RABGAP1L: variants seen among roughly 807,000 people sequenced by gnomAD.
The protein encoded by RABGAP1L is rab GTPase-activating protein 1-like.
RABGAP1L carries 63 observed loss-of-function variants against 137.7 expected under a neutral mutation model. The ratio of observed to expected loss-of-function variants is 0.46; its 90% confidence interval spans 0.37 to 0.56. The LOEUF is 0.56. Ranked by LOEUF, RABGAP1L falls within the 20% of genes least tolerant of loss-of-function variation. The probability of loss-of-function intolerance (pLI) is 0.00; values close to 1 mark genes in which losing one functional copy is unlikely to be tolerated. For synonymous variants in RABGAP1L, 431 were observed against 433.7 expected (o/e 0.99, Z 0.08); for missense variants, 1,095 against 1,244.0 (o/e 0.88, Z 1.80).
chr1:174,615,962 T>C (rs1671811096), intron 13 of RABGAP1L, among the ~76,000 whole-genome samples: 1 of 152,214 alleles, frequency 6.6e-6, no homozygotes, highest in African/African-American at 2.4e-5. Context: ...AGTTACCCGA[T>C]TTTCCAGGTG....
At chr1:174,241,068 C>T (rs886939233) in intron 4 of RABGAP1L, among the ~76,000 whole-genome samples, 5 of 152,222 alleles carry the variant, frequency 3.3e-5, no homozygotes, top group Admixed American at 2.0e-4. Flanking sequence ...CGCCTGTAAT[C>T]CTAGCACTTT....
chr1:174,343,449 T>C (rs1682159694), intron 11 of RABGAP1L, among the ~76,000 whole-genome samples: 1 of 152,186 alleles, frequency 6.6e-6, no homozygotes, highest in African/African-American at 2.4e-5. Context: ...ACAGTAGATA[T>C]TATGTCTTTT....
Position 174,955,107 on chromosome 1 carries a change from C to G in RABGAP1L, c.2341-2350C>G, listed in dbSNP as rs190073474. ...GTGGTGCTTTCCTTTCTATTGCACT[C>G]TAGTTGGTCACAGTATACTTGTTAG... On this transcript the variant is annotated intron_variant, in intron 19 of 25. Coordinates refer to ENST00000681986, the MANE Select transcript of RABGAP1L (RefSeq NM_001366446.1). Among the ~76,000 whole-genome samples, 9 of 152,296 alleles carry G rather than the reference C, an allele frequency of 5.9e-5. No individual in the cohort carries two copies. In the East Asian group the frequency reaches 1.7e-3, roughly 29 times the overall value.
chr1:174,907,923 C>T (rs1013692396), intron 19 of RABGAP1L, among the ~76,000 whole-genome samples: 3 of 152,122 alleles, frequency 2.0e-5, no homozygotes, highest in Admixed American at 6.5e-5. Context: ...CTTCAAGAAA[C>T]CCATTTCACC....
intron 10 of RABGAP1L, among the ~76,000 whole-genome samples, chr1:174,301,347 G>A (rs1677685696): frequency 1.3e-5 from 2 of 149,770 alleles, no homozygotes; most frequent in African/African-American, 4.9e-5. Flanking sequence ...GGCTGAAAGA[G>A]CTGTTAACAC....
intron 24 of RABGAP1L, among the ~76,000 whole-genome samples, chr1:174,984,033 G>A (rs1671362081): frequency 7.7e-6 from 1 of 130,072 alleles, no homozygotes; most frequent in African/African-American, 3.0e-5. Context: ...CTCCTGAAGT[G>A]AATTTTTTTT....
chr1:174,604,313 T>C (rs1049313976), intron 13 of RABGAP1L, among the ~76,000 whole-genome samples: 9 of 152,216 alleles, frequency 5.9e-5, no homozygotes, highest in Non-Finnish European at 5.9e-5. Flanking sequence ...TTTCTTTTGC[T>C]GTGACAGATA....
chr1:174,818,981 C>G (rs1157526582), intron 19 of RABGAP1L, among the ~76,000 whole-genome samples: 2 of 151,732 alleles, frequency 1.3e-5, no homozygotes. Flanking sequence ...CATGCCACTG[C>G]ACTCCAGCCT....
intron 19 of RABGAP1L, among the ~76,000 whole-genome samples, chr1:174,947,326 GA>G (rs1667044103): frequency 6.6e-6 from 1 of 151,032 alleles, no homozygotes; most frequent in Non-Finnish European, 1.5e-5. Flanking sequence ...GACCTCAGGT[GA>G]TCCACCTGCC....
chr1:174,360,848 A>G (rs1034948811), intron 11 of RABGAP1L, among the ~76,000 whole-genome samples: 2 of 151,926 alleles, frequency 1.3e-5, no homozygotes, highest in African/African-American at 2.4e-5. Flanking sequence ...TTTTTTATTC[A>G]TTTAATTTAT....
intron 1 of RABGAP1L, among the ~76,000 whole-genome samples, chr1:174,193,887 TAGG>T (rs962606192): frequency 2.6e-5 from 4 of 152,218 alleles, no homozygotes; most frequent in East Asian, 3.8e-4. Context: ...ACTACAGTAA[TAGG>T]AGCAATAATT....
At chr1:174,637,633 G>A in intron 14 of RABGAP1L, 145 bp downstream of exon 14, 1 of 596,334 alleles carries the variant, frequency 1.7e-6, no homozygotes, top group Non-Finnish European at 3.0e-6. Flanking sequence ...GAGATCCTCA[G>A]TACTGATCCC....
chr1:174,292,787 A>G (rs1453502015), intron 10 of RABGAP1L, among the ~76,000 whole-genome samples: 1 of 152,140 alleles, frequency 6.6e-6, no homozygotes, highest in Admixed American at 6.5e-5. Flanking sequence ...TTTTCCTGTG[A>G]TCTTTACTCA....
intron 19 of RABGAP1L, chr1:174,850,305 G>C (rs186690340): frequency 7.0e-4 from 157 of 223,634 alleles, no homozygotes; most frequent in African/African-American, 3.2e-3. Context: ...AAACCTTTCA[G>C]GAATAAATCA....
chr1:174,975,825 T>C (rs577262394), intron 21 of RABGAP1L, among the ~76,000 whole-genome samples: 39 of 152,358 alleles, frequency 2.6e-4, no homozygotes, highest in South Asian at 8.3e-4. Context: ...TTGTTGGATC[T>C]TTCCAAACCT....
intron 13 of RABGAP1L, among the ~76,000 whole-genome samples, chr1:174,394,655 T>C (rs1647596806): frequency 6.6e-6 from 1 of 152,150 alleles, no homozygotes; most frequent in African/African-American, 2.4e-5. Flanking sequence ...AGAGCATAAG[T>C]AAAGGTAGGT....
At chr1:174,876,893 T>A (rs1653204995) in intron 19 of RABGAP1L, among the ~76,000 whole-genome samples, 1 of 151,894 alleles carries the variant, frequency 6.6e-6, no homozygotes, top group Non-Finnish European at 1.5e-5. Flanking sequence ...AGGGGAAAAT[T>A]TTTTTTTTCA....
intron 19 of RABGAP1L, among the ~76,000 whole-genome samples, chr1:174,928,203 CA>C (rs1311372347): frequency 2.6e-5 from 4 of 152,092 alleles, no homozygotes; most frequent in Admixed American, 1.3e-4. Context: ...AGCTGTCTAG[CA>C]GTTACTCATT....
At chr1:174,957,744 T>TAG (rs1668714842) in intron 20 of RABGAP1L, 195 bp downstream of exon 20, 3 of 881,802 alleles carry the variant, frequency 3.4e-6, no homozygotes, top group Non-Finnish European at 5.4e-6. Flanking sequence ...TTTTTTTTTT[T>TAG]TTCTTAAAGC....
Sources: gnomAD v4.1 joint callset for allele counts (sites outside exome capture counted in the v4.1 genomes callset) on GRCh38, gnomAD v4.1.1 for gene constraint, MANE v1.5 for transcripts, NCBI Gene and HGNC (gene_info 2026-07-23, HGNC 2026-07-21) for gene names.